FMNL2: variants seen among roughly 807,000 people sequenced by gnomAD.
The protein encoded by FMNL2 is formin-like protein 2.
In FMNL2, 51 loss-of-function variants were observed where a neutral mutation model predicts 130.2. That is an observed-to-expected ratio of 0.39 (90% CI 0.31 to 0.49). FMNL2 has a LOEUF of 0.49. Ranked by LOEUF, FMNL2 falls within the 20% of genes least tolerant of loss-of-function variation. The probability of loss-of-function intolerance (pLI) is 0.85; values close to 1 mark genes in which losing one functional copy is unlikely to be tolerated. For synonymous variants in FMNL2, 465 were observed against 467.1 expected, an observed-to-expected ratio of 1.00 and a Z score of 0.06; for missense variants, 977 against 1,316.2, an observed-to-expected ratio of 0.74 and a Z score of 3.99.
intron 1 of FMNL2, among the ~76,000 whole-genome samples, chr2:152,392,830 C>T (rs1175872845): frequency 6.6e-6 from 1 of 152,138 alleles, no homozygotes; most frequent in Non-Finnish European, 1.5e-5. Context: ...TCCAGGCTTC[C>T]TTGCCCTCTG....
chr2:152,586,303 T>C (rs938819161), intron 9 of FMNL2, among the ~76,000 whole-genome samples: 5 of 152,234 alleles, frequency 3.3e-5, no homozygotes, highest in African/African-American at 4.8e-5. Context: ...TTTTTCTGCC[T>C]GTTGCTAGAA....
chr2:152,439,102 T>TGTGC (rs1687924283), intron 1 of FMNL2, among the ~76,000 whole-genome samples: 1 of 151,838 alleles, frequency 6.6e-6, no homozygotes, highest in Non-Finnish European at 1.5e-5. Flanking sequence ...TGTGTGTGTG[T>TGTGC]GTGTGTGTGT....
chr2:152,454,105 C>G (rs1688811490), intron 1 of FMNL2, among the ~76,000 whole-genome samples: 1 of 151,152 alleles, frequency 6.6e-6, no homozygotes, highest in Non-Finnish European at 1.5e-5. Flanking sequence ...GAAACCCTGT[C>G]TCTGCTAAAA....
At chr2:152,577,959 AT>A (rs1696567423) in intron 7 of FMNL2, among the ~76,000 whole-genome samples, 1 of 152,094 alleles carries the variant, frequency 6.6e-6, no homozygotes, top group East Asian at 1.9e-4. Context: ...GATAATTTGC[AT>A]TTTTTATGCT....
At chr2:152,548,487 C>G (rs972462075) in intron 3 of FMNL2, among the ~76,000 whole-genome samples, 15 of 152,158 alleles carry the variant, frequency 9.9e-5, no homozygotes, top group African/African-American at 3.6e-4. Context: ...TAAACCAGCT[C>G]CCAATAAGAA....
At chr2:152,373,155 G>C (rs767417849) in intron 1 of FMNL2, among the ~76,000 whole-genome samples, 1 of 152,106 alleles carries the variant, frequency 6.6e-6, no homozygotes, top group Non-Finnish European at 1.5e-5. Flanking sequence ...CTAAAATTTT[G>C]CTAAAAATTG....
chr2:152,602,786 G>A (rs753026545), intron 9 of FMNL2, among the ~76,000 whole-genome samples: 3 of 152,128 alleles, frequency 2.0e-5, no homozygotes, highest in South Asian at 2.1e-4. Context: ...TGAAGCGCTC[G>A]AGTTCATTCC....
chr2:152,642,340 A>G (rs1001153290), intron 25 of FMNL2, among the ~76,000 whole-genome samples: 7 of 152,364 alleles, frequency 4.6e-5, no homozygotes, highest in African/African-American at 1.7e-4. Context: ...CAGGGAAATT[A>G]AATACATAGG....
chr2:152,358,935 A>G (rs920786397), intron 1 of FMNL2, among the ~76,000 whole-genome samples: 2 of 152,184 alleles, frequency 1.3e-5, no homozygotes, highest in Admixed American at 6.5e-5. Flanking sequence ...AGTGCTTTCT[A>G]AAGTGGCTAT....
At chr2:152,451,407 C>A (rs1024660781) in intron 1 of FMNL2, among the ~76,000 whole-genome samples, 2 of 152,120 alleles carry the variant, frequency 1.3e-5, no homozygotes, top group Non-Finnish European at 1.5e-5. Context: ...CTCGGCCTCC[C>A]AAAGTGCTGG....
chr2:152,521,970 G>A lies in FMNL2; in HGVS notation c.145G>A (p.Ala49Thr). 6.2e-7 allele frequency: 1 copy of A among 1,612,910 alleles called. No individual in the cohort carries two copies. The highest frequency in any genetic ancestry group is 8.5e-7 in the Non-Finnish European group (1 of 1,179,542). Residue 49 changes from alanine to threonine, a missense_variant, in exon 2 of 26, where the codon GCC becomes ACC. This residue lies in a region of FMNL2 where 117 missense variants were observed against 134.9 expected (regional missense o/e 0.87). Coordinates refer to ENST00000288670, the MANE Select transcript of FMNL2 (RefSeq NM_052905.4). ...TGCTATGAACCTACCTCCTGACAAA[G>A]CCAGGTTACTGCGGCAGTATGATAA... is the stretch of plus-strand genomic sequence containing the variant. The part of the protein sequence containing the change: ...LNAMNLPPDK[A>T]RLLRQYDNEK...
At chr2:152,441,856 G>T (rs1017461994) in intron 1 of FMNL2, among the ~76,000 whole-genome samples, 5 of 151,944 alleles carry the variant, frequency 3.3e-5, no homozygotes, top group African/African-American at 1.2e-4. Context: ...TTGAGAGAGG[G>T]ACTTGGAGCA....
intron 1 of FMNL2, among the ~76,000 whole-genome samples, chr2:152,452,539 C>G (rs1446262976): frequency 0.012 from 1 of 86 alleles, no homozygotes; most frequent in African/African-American, 0.031. Flanking sequence ...TGCACTCCTC[C>G]CCCCCCTAGT....
At chr2:152,338,315 C>T (rs1681596702) in intron 1 of FMNL2, among the ~76,000 whole-genome samples, 1 of 152,248 alleles carries the variant, frequency 6.6e-6, no homozygotes, top group African/African-American at 2.4e-5. Context: ...GTATGGCTAA[C>T]ATCAATAATT....
intron 1 of FMNL2, among the ~76,000 whole-genome samples, chr2:152,354,457 A>G (rs1682677586): frequency 6.6e-6 from 1 of 152,204 alleles, no homozygotes; most frequent in Non-Finnish European, 1.5e-5. Flanking sequence ...TCTAGGAGGC[A>G]CAGAAAGAAG....
intron 2 of FMNL2, among the ~76,000 whole-genome samples, chr2:152,530,958 A>C (rs189188773): frequency 1.8e-3 from 269 of 152,318 alleles, no homozygotes; most frequent in Non-Finnish European, 3.3e-3. Flanking sequence ...TTTTGTAAGA[A>C]ACAGCTATAC....
Position 152,637,772 on chromosome 2 carries a change from G to A in FMNL2, c.2946+98G>A, listed in dbSNP as rs1682749319. 3 of 1,032,208 alleles carry A rather than the reference G, an allele frequency of 2.9e-6. No individual in the cohort carries two copies. In the South Asian group the frequency reaches 4.1e-5, roughly 14 times the overall value. The allele number at this position is 1,032,208 out of a possible 1,614,324, so 63.9% of individuals were successfully genotyped here. A position where few individuals can be genotyped will look rare whatever the true frequency, so the allele number is the denominator to read the frequency against. Reference sequence around the variant, plus strand: ...TCTCTGCAGAGGCCTCCCAGTTCCTGTGGACAGCAGATCTGGGTGGCATTC... The same window carrying A: ...TCTCTGCAGAGGCCTCCCAGTTCCTATGGACAGCAGATCTGGGTGGCATTC... On this transcript the variant is annotated intron_variant, in intron 23 of 25. Coordinates refer to ENST00000288670, the MANE Select transcript of FMNL2 (RefSeq NM_052905.4).
chr2:152,371,070 C>A (rs1267245908), intron 1 of FMNL2, among the ~76,000 whole-genome samples: 1 of 152,200 alleles, frequency 6.6e-6, no homozygotes, highest in Admixed American at 6.5e-5. Context: ...GGAGTTTCTA[C>A]AGACTGCATG....
chr2:152,510,247 G>T (rs1272326920), intron 1 of FMNL2, among the ~76,000 whole-genome samples: 3 of 152,182 alleles, frequency 2.0e-5, no homozygotes, highest in Non-Finnish European at 2.9e-5. Flanking sequence ...TTGAAATGCA[G>T]CTTGTTTGGC....
Sources: allele counts gnomAD v4.1 joint callset (sites outside exome capture counted in the v4.1 genomes callset), GRCh38; gene constraint gnomAD v4.1.1; regional missense constraint gnomAD v4.1.1; transcripts MANE v1.5; gene names NCBI Gene and HGNC (gene_info 2026-07-23, HGNC 2026-07-21).